CHM: variants seen among roughly 807,000 people sequenced by gnomAD.
The protein encoded by CHM is CHM Rab escort protein.
Under a neutral mutation model 49.0 loss-of-function variants are expected in CHM, and 10 were observed. The observed-to-expected ratio is 0.20, with a 90% confidence interval of 0.13 to 0.35. CHM has a LOEUF of 0.35. CHM is among the 10% of genes least tolerant of loss of function. The pLI is 1.00. For missense variants in CHM, 455 were observed against 478.4 expected (o/e 0.95, Z 0.46); for synonymous variants, 184 against 167.5 (o/e 1.10, Z -0.76).
At chrX:85,896,488 G>C (rs1925840257) in intron 11 of CHM, among the ~76,000 whole-genome samples, 1 of 111,191 alleles carries the variant, frequency 9.0e-6, no homozygotes, top group African/African-American at 3.3e-5. Context: ...AGTTTGTGGA[G>C]GGAAGATGGT....
chrX:86,047,388 C>A (rs1249645652), intron 1 of CHM, 96 bp downstream of exon 1: 1 of 806,489 alleles, frequency 1.2e-6, no homozygotes. Context: ...CCACTCTCGA[C>A]CCACGATGTT....
chrX:85,937,574 C>A (rs6623542), intron 8 of CHM, among the ~76,000 whole-genome samples: 42 of 109,200 alleles, frequency 3.8e-4, no homozygotes, highest in African/African-American at 1.3e-3. Context: ...TGGTGGCTCA[C>A]GTCTCAAGCC....
intron 2 of CHM, among the ~76,000 whole-genome samples, chrX:86,018,472 T>C (rs1452410836): frequency 1.8e-5 from 2 of 112,238 alleles, no homozygotes; most frequent in African/African-American, 6.5e-5. Context: ...AGCTTGGCAA[T>C]TTCTTAAAAA....
intron 9 of CHM, among the ~76,000 whole-genome samples, chrX:85,902,537 T>A (rs1252708827): frequency 8.1e-5 from 9 of 111,483 alleles, no homozygotes. Flanking sequence ...TTTACATGAT[T>A]TTTTTCCATC....
chrX:85,906,639 T>G (rs952341206), intron 9 of CHM, among the ~76,000 whole-genome samples: 2 of 111,585 alleles, frequency 1.8e-5, no homozygotes, highest in Non-Finnish European at 3.8e-5. Flanking sequence ...AAGGGCAAGG[T>G]CCATGTTTCA....
intron 2 of CHM, among the ~76,000 whole-genome samples, chrX:85,995,643 C>T (rs1932406231): frequency 8.9e-6 from 1 of 112,251 alleles, no homozygotes. Flanking sequence ...TTTGTTTCCT[C>T]ATCTGCAAAA....
chrX:86,046,291 T>C (rs1036680848), intron 1 of CHM, among the ~76,000 whole-genome samples: 2 of 112,072 alleles, frequency 1.8e-5, no homozygotes, highest in African/African-American at 3.2e-5. Context: ...CTTTGGAAAT[T>C]TACCAGCTGT....
intron 13 of CHM, among the ~76,000 whole-genome samples, chrX:85,875,757 T>C (rs745865876): frequency 3.7e-4 from 41 of 111,436 alleles, no homozygotes; most frequent in Middle Eastern, 4.6e-3. Flanking sequence ...CTCTTTGAGA[T>C]AGAAAATGAG....
At chrX:85,917,818 C>T (rs1287684137) in intron 8 of CHM, among the ~76,000 whole-genome samples, 1 of 109,179 alleles carries the variant, frequency 9.2e-6, no homozygotes, top group Non-Finnish European at 1.9e-5. Flanking sequence ...AAAAAAAAAC[C>T]TCAGAATTTG....
chrX:85,923,289 T>C (rs1404863497), intron 8 of CHM, among the ~76,000 whole-genome samples: 1 of 112,505 alleles, frequency 8.9e-6, no homozygotes, highest in Non-Finnish European at 1.9e-5. Context: ...GCCTGGTGCA[T>C]GGTAAATGTT....
At chrX:85,934,477 T>C (rs1437342921) in intron 8 of CHM, among the ~76,000 whole-genome samples, 7 of 83,976 alleles carry the variant, frequency 8.3e-5, no homozygotes, top group African/African-American at 3.2e-4. Context: ...CCTGTGTCCA[T>C]CCTGTGTCCA....
intron 6 of CHM, 79 bp downstream of exon 6, chrX:85,958,782 T>A (rs1930136652): frequency 8.4e-7 from 1 of 1,195,824 alleles, no homozygotes; most frequent in African/African-American, 1.7e-5. Context: ...AAAATAACAA[T>A]CTTATTTGCT....
intron 8 of CHM, among the ~76,000 whole-genome samples, chrX:85,954,021 C>T (rs781741063): frequency 1.8e-5 from 2 of 111,429 alleles, no homozygotes; most frequent in East Asian, 2.8e-4. Context: ...GCAAACTACC[C>T]GTCTAACAAG....
At position 86,038,066 on chromosome X, in the gene CHM, A is replaced by G. The variant is rs750383346; in HGVS notation, c.49+9418T>C. On this transcript the variant is annotated intron_variant, in intron 1 of 14. Transcript: ENST00000357749. ...ACCTTGGGATTGTGAAAGGAAAACA[A>G]ATCTCCCCAAAATCACTAAACCAAA... Among the ~76,000 whole-genome samples, 4 of 112,078 alleles carry G rather than the reference A, an allele frequency of 3.6e-5. No homozygotes were observed. In the South Asian group the frequency reaches 1.5e-3, roughly 42 times the overall value.
chrX:85,949,062 G>A (rs1190285454), intron 8 of CHM, among the ~76,000 whole-genome samples: 1 of 110,966 alleles, frequency 9.0e-6, no homozygotes, highest in African/African-American at 3.3e-5. Context: ...GGCAGGATGA[G>A]GTATAATTTT....
intron 13 of CHM, among the ~76,000 whole-genome samples, chrX:85,877,589 T>C (rs983463178): frequency 2.7e-5 from 3 of 111,392 alleles, no homozygotes; most frequent in Non-Finnish European, 5.7e-5. Context: ...TAAAAGAGTA[T>C]AACTGGAATG....
intron 2 of CHM, among the ~76,000 whole-genome samples, chrX:85,986,345 G>A (rs1469156861): frequency 9.0e-6 from 1 of 111,603 alleles, no homozygotes; most frequent in Non-Finnish European, 1.9e-5. Context: ...TCACCCCAGA[G>A]TTTCAGTGGG....
chrX:86,021,935 T>C (rs765029440), intron 2 of CHM, among the ~76,000 whole-genome samples: 2 of 111,812 alleles, frequency 1.8e-5, no homozygotes, highest in African/African-American at 3.3e-5. Flanking sequence ...AAGACAAATA[T>C]AGTGCTGCAT....
At chrX:85,911,190 T>TATATATATGAATATATATATATATGA (rs1556277334) in intron 9 of CHM, 71 bp downstream of exon 9, 1 of 62,803 alleles carries the variant, frequency 1.6e-5, no homozygotes, top group African/African-American at 1.7e-4. Context: ...TATATATGAA[T>TATATATATGAATATATATATATATGA]ATATATATAT....
Sources: allele counts gnomAD v4.1 joint callset (sites outside exome capture counted in the v4.1 genomes callset), GRCh38; gene constraint gnomAD v4.1.1; transcripts MANE v1.5; gene names NCBI Gene and HGNC (gene_info 2026-07-23, HGNC 2026-07-21).